The following PDE7B variants were observed in gnomAD, a reference collection of about 807,000 sequenced individuals.
PDE7B encodes the protein phosphodiesterase 7B.
PDE7B carries 29 observed loss-of-function variants against 56.2 expected under a neutral mutation model. The ratio of observed to expected loss-of-function variants is 0.52; its 90% CI spans 0.38 to 0.70. The LOEUF (loss-of-function observed/expected upper bound fraction) is 0.70. PDE7B is among the 30% of genes least tolerant of loss of function. PDE7B has a pLI of 0.00. For synonymous variants in PDE7B, 197 were observed against 196.9 expected, an observed-to-expected ratio of 1.00 and a Z score of 0.00; for missense variants, 490 against 565.0, an observed-to-expected ratio of 0.87 and a Z score of 1.35.
chr6:135,877,428 A>T (rs970179048), intron 1 of PDE7B, among the ~76,000 whole-genome samples: 1 of 143,614 alleles, frequency 7.0e-6, no homozygotes, highest in Non-Finnish European at 1.5e-5. Context: ...TGGGCTTTCA[A>T]TTTTTTATGT....
chr6:136,058,757 T>C (rs189031054), intron 2 of PDE7B, among the ~76,000 whole-genome samples: 151 of 152,272 alleles, frequency 9.9e-4, no homozygotes, highest in African/African-American at 3.5e-3. Flanking sequence ...TAATGGGTGG[T>C]ATTTTACAGA....
chr6:135,981,768 T>G (rs1775301237), intron 2 of PDE7B, among the ~76,000 whole-genome samples: 1 of 147,806 alleles, frequency 6.8e-6, no homozygotes, highest in Non-Finnish European at 1.5e-5. Context: ...AATTAACTCT[T>G]TTTTTTTTTT....
chr6:135,946,274 A>G (rs1774594468), intron 1 of PDE7B, among the ~76,000 whole-genome samples: 1 of 151,232 alleles, frequency 6.6e-6, no homozygotes, highest in African/African-American at 2.4e-5. Context: ...TATTTCATAT[A>G]TACATATTAT....
intron 1 of PDE7B, among the ~76,000 whole-genome samples, chr6:135,940,616 T>C (rs1036791831): frequency 1.3e-5 from 2 of 152,224 alleles, no homozygotes; most frequent in African/African-American, 4.8e-5. Flanking sequence ...AGGCCTATCT[T>C]CTAGGGATCT....
At chr6:135,862,334 T>C (rs1583712190) in intron 1 of PDE7B, among the ~76,000 whole-genome samples, 1 of 151,848 alleles carries the variant, frequency 6.6e-6, no homozygotes, top group Non-Finnish European at 1.5e-5. Context: ...GGTGATTGAT[T>C]TTATAATTTC....
At chr6:136,078,159 T>C (rs189067772) in intron 2 of PDE7B, among the ~76,000 whole-genome samples, 1 of 151,994 alleles carries the variant, frequency 6.6e-6, no homozygotes, top group East Asian at 1.9e-4. Flanking sequence ...GGGCAAAGAG[T>C]TGTGAGTCAG....
chr6:136,062,150 T>A (rs1384907889), intron 2 of PDE7B, among the ~76,000 whole-genome samples: 1 of 152,200 alleles, frequency 6.6e-6, no homozygotes, highest in Non-Finnish European at 1.5e-5. Flanking sequence ...TTGCAGGCAA[T>A]CCTCACGCCA....
At chr6:136,026,769 G>T (rs1475877241) in intron 2 of PDE7B, among the ~76,000 whole-genome samples, 4 of 152,162 alleles carry the variant, frequency 2.6e-5, no homozygotes, top group Admixed American at 6.5e-5. Flanking sequence ...GCTGTATCTG[G>T]TACATAAGCA....
Position 136,193,179 on chromosome 6 carries a change from C to A in PDE7B, c.*1339C>A, listed in dbSNP as rs902468964. 1 of 152,618 alleles carries A rather than the reference C, an allele frequency of 6.6e-6. No homozygotes were observed. Among genetic ancestry groups the A allele is most frequent in the African/African-American group, 2.4e-5 (1 of 41,446 alleles). The allele number at this position is 152,618 out of a possible 1,614,324, so 9.5% of individuals were successfully genotyped here. On this transcript the variant is annotated 3_prime_UTR_variant, in exon 13 of 13. Transcript: ENST00000308191. ...AGCAGGTCTCAGAAACCTTCTATGA[C>A]CCTGTCATCTAACCATCAGGGAATT...
chr6:135,909,597 C>T lies in PDE7B; in HGVS notation c.22-37867C>T, dbSNP rs540679460. Reference sequence around the variant, plus strand: ...CTCCAGCCTGGGCCACAGAATGAGACCCTGTCTCCACAAATAAATAAATAA... The same window carrying T: ...CTCCAGCCTGGGCCACAGAATGAGATCCTGTCTCCACAAATAAATAAATAA... On this transcript the variant is annotated intron_variant, in intron 1 of 12. Coordinates refer to ENST00000308191, the MANE Select transcript of PDE7B (RefSeq NM_018945.4). Among the ~76,000 whole-genome samples, 4 of 152,068 alleles carry T rather than the reference C, an allele frequency of 2.6e-5. No individual in the cohort carries two copies. The South Asian group carries it at 6.2e-4, about 24-fold the overall frequency.
chr6:136,155,505 A>T, intron 7 of PDE7B, 122 bp from the exon 8 acceptor site: 1 of 782,116 alleles, frequency 1.3e-6, no homozygotes, highest in Non-Finnish European at 2.1e-6. Flanking sequence ...TCAAAGGGTA[A>T]AGGTCTGGCT....
At chr6:135,970,539 G>A (rs1035996993) in intron 2 of PDE7B, among the ~76,000 whole-genome samples, 5 of 152,080 alleles carry the variant, frequency 3.3e-5, no homozygotes, top group African/African-American at 9.7e-5. Context: ...GTCGAAATGG[G>A]GCCTAAGATT....
At chr6:135,991,374 A>G (rs569037823) in intron 2 of PDE7B, among the ~76,000 whole-genome samples, 13 of 152,206 alleles carry the variant, frequency 8.5e-5, no homozygotes, top group Middle Eastern at 3.4e-3. Context: ...CAATTAATAC[A>G]TATTTCAGAA....
intron 2 of PDE7B, among the ~76,000 whole-genome samples, chr6:136,025,611 T>C (rs1047739356): frequency 1.3e-5 from 2 of 152,188 alleles, no homozygotes; most frequent in African/African-American, 4.8e-5. Context: ...CTGCAACACC[T>C]TTGAAAAGAA....
chr6:135,926,085 T>TTGGGGG lies in PDE7B; in HGVS notation c.22-21379_22-21378insTGGGGG, dbSNP rs1774178124. On this transcript the variant is annotated intron_variant, in intron 1 of 12. Transcript: ENST00000308191. Reference sequence around the variant, plus strand: ...GCATGCTTCTGTTTTTTCTTTTTTTTGGGGGGGGGGGGGGGAGGGGGGATG... The same window carrying TTGGGGG: ...GCATGCTTCTGTTTTTTCTTTTTTTTTGGGGGGGGGGGGGGGGGGGGAGGGGGGATG... Among the ~76,000 whole-genome samples the TTGGGGG allele has an allele frequency of 1.2e-4, 2 of 16,158 alleles. 1 individual carries two copies. The allele number at this position is 16,158 out of a possible 152,430, so 10.6% of individuals were successfully genotyped here.
intron 2 of PDE7B, among the ~76,000 whole-genome samples, chr6:136,052,596 G>T (rs1156627025): frequency 6.6e-6 from 1 of 151,176 alleles, no homozygotes; most frequent in Non-Finnish European, 1.5e-5. Context: ...AGTTCTTGTG[G>T]GTGTATAAAG....
At chr6:135,929,897 T>A (rs955130069) in intron 1 of PDE7B, among the ~76,000 whole-genome samples, 9 of 152,024 alleles carry the variant, frequency 5.9e-5, no homozygotes, top group African/African-American at 1.7e-4. Flanking sequence ...TAAGGAGGAA[T>A]AATGGGCACT....
intron 8 of PDE7B, among the ~76,000 whole-genome samples, chr6:136,162,591 T>TGA (rs1778724615): frequency 6.6e-6 from 1 of 152,108 alleles, no homozygotes; most frequent in South Asian, 2.1e-4. Context: ...CAAAACACAG[T>TGA]CATGCCTTTC....
At chr6:135,973,497 G>A (rs535387602) in intron 2 of PDE7B, among the ~76,000 whole-genome samples, 2 of 152,202 alleles carry the variant, frequency 1.3e-5, no homozygotes, top group East Asian at 3.9e-4. Context: ...CTTAGTAATG[G>A]GGTTGCAGGA....
Sources: gnomAD v4.1 joint callset for allele counts (sites outside exome capture counted in the v4.1 genomes callset) on GRCh38, gnomAD v4.1.1 for gene constraint, MANE v1.5 for transcripts, NCBI Gene and HGNC (gene_info 2026-07-23, HGNC 2026-07-21) for gene names.